Variants in PDE10A observed in about 807,000 individuals in gnomAD.
The protein encoded by PDE10A is phosphodiesterase 10A.
A neutral mutation model predicts 97.7 loss-of-function variants in PDE10A; 39 were observed. The observed-to-expected ratio is 0.40, with a 90% CI of 0.31 to 0.52. PDE10A has a LOEUF of 0.52. PDE10A is among the 20% of genes least tolerant of loss of function. PDE10A has a pLI of 0.56. For synonymous variants in PDE10A, 371 were observed against 376.8 expected, an observed-to-expected ratio of 0.98 and a Z score of 0.18; for missense variants, 731 against 1,047.8, an observed-to-expected ratio of 0.70 and a Z score of 4.17.
chr6:165,894,121 G>T (rs1781876506), intron 1 of PDE10A: 9 of 357,342 alleles, frequency 2.5e-5, no homozygotes, highest in South Asian at 1.7e-4. Context: ...AGTGCTCTAA[G>T]AATAAAATAT....
intron 1 of PDE10A, among the ~76,000 whole-genome samples, chr6:165,892,115 A>C (rs1303069000): frequency 6.6e-6 from 1 of 152,156 alleles, no homozygotes; most frequent in Non-Finnish European, 1.5e-5. Flanking sequence ...TCTGAACCGA[A>C]GCTGCTGGAC....
chr6:165,574,918 A>G (rs1021990803), intron 1 of PDE10A, among the ~76,000 whole-genome samples: 2 of 152,206 alleles, frequency 1.3e-5, no homozygotes, highest in African/African-American at 4.8e-5. Context: ...AGGTCATGCC[A>G]TTATAAACCA....
intron 1 of PDE10A, among the ~76,000 whole-genome samples, chr6:165,854,938 G>A (rs1348639709): frequency 6.6e-6 from 1 of 152,208 alleles, no homozygotes; most frequent in African/African-American, 2.4e-5. Flanking sequence ...AGGCGGCTGC[G>A]CCCCTGCCTG....
chr6:165,485,587 C>T (rs1562511330), intron 2 of PDE10A, among the ~76,000 whole-genome samples: 1 of 150,040 alleles, frequency 6.7e-6, no homozygotes, highest in Non-Finnish European at 1.5e-5. Flanking sequence ...TCTACACTGA[C>T]AGCATCCTTT....
At chr6:165,772,640 G>T (rs1299987457) in intron 1 of PDE10A, among the ~76,000 whole-genome samples, 1 of 152,164 alleles carries the variant, frequency 6.6e-6, no homozygotes, top group Non-Finnish European at 1.5e-5. Context: ...CCACGATGAT[G>T]ATTATTGTCA....
intron 19 of PDE10A, among the ~76,000 whole-genome samples, chr6:165,339,751 C>T (rs189392019): frequency 2.0e-5 from 3 of 152,308 alleles, no homozygotes; most frequent in African/African-American, 7.2e-5. Flanking sequence ...TTTGGCTTTC[C>T]AGAGGAATAT....
chr6:165,523,148 T>C (rs1350678518), intron 2 of PDE10A, among the ~76,000 whole-genome samples: 1 of 152,118 alleles, frequency 6.6e-6, no homozygotes, highest in Non-Finnish European at 1.5e-5. Flanking sequence ...GAAAATTCTA[T>C]GCTTATGAAT....
At chr6:165,743,768 C>T (rs1016730568) in intron 1 of PDE10A, among the ~76,000 whole-genome samples, 13 of 152,274 alleles carry the variant, frequency 8.5e-5, no homozygotes, top group Middle Eastern at 6.8e-3. Flanking sequence ...GGAGTCAAAG[C>T]GACATGTTCC....
chr6:165,902,095 T>C lies in PDE10A; in HGVS notation c.-615+85434A>G, dbSNP rs541736806. Reference sequence around the variant, plus strand: ...TTCCAAATTGAATAAAAACAAATTTTGTATATGTATATGCAATCTATACCT... The same window carrying C: ...TTCCAAATTGAATAAAAACAAATTTCGTATATGTATATGCAATCTATACCT... On this transcript the variant is annotated intron_variant, in intron 1 of 19. Transcript: ENST00000366882. 2.8e-4 allele frequency among the ~76,000 whole-genome samples: 31 copies of C among 109,372 alleles called. 1 individual carries two copies. The South Asian group carries it at 6.8e-3, about 24-fold the overall frequency. The allele number at this position is 109,372 out of a possible 152,430, so 71.8% of individuals were successfully genotyped here.
Position 165,332,935 on chromosome 6 carries a change from T to TGGG in PDE10A, c.*89_*90insCCC. The TGGG allele has an allele frequency of 3.4e-6, 2 of 593,426 alleles. No individual in the cohort carries two copies. The highest frequency in any genetic ancestry group is 4.1e-5 in the East Asian group (1 of 24,628). The allele number at this position is 593,426 out of a possible 1,614,324, so 36.8% of individuals were successfully genotyped here. Reference sequence around the variant, plus strand: ...TGCACCCCAGTTACCAGGTGCAGGTTCCCCCCACCCCCCCCAAAAAAAGGA... The same window carrying TGGG: ...TGCACCCCAGTTACCAGGTGCAGGTTGGGCCCCCCACCCCCCCCAAAAAAAGGA... On this transcript the variant is annotated 3_prime_UTR_variant, in exon 22 of 22. Coordinates refer to ENST00000539869, the MANE Select transcript of PDE10A (RefSeq NM_001385079.1).
At chr6:165,413,026 G>T (rs1183865217) in intron 13 of PDE10A, among the ~76,000 whole-genome samples, 2 of 152,030 alleles carry the variant, frequency 1.3e-5, no homozygotes, top group East Asian at 3.9e-4. Flanking sequence ...CACGAGGACT[G>T]AGTTAACACC....
chr6:165,932,555 C>T (rs1438226928), intron 1 of PDE10A, among the ~76,000 whole-genome samples: 1 of 152,156 alleles, frequency 6.6e-6, no homozygotes, highest in African/African-American at 2.4e-5. Context: ...AGGCTGGTCT[C>T]GAACTCCTGA....
At chr6:165,674,918 T>G (rs1234243576) in intron 1 of PDE10A, among the ~76,000 whole-genome samples, 1 of 152,168 alleles carries the variant, frequency 6.6e-6, no homozygotes, top group East Asian at 1.9e-4. Flanking sequence ...TCGTTCACTC[T>G]TAGACTCCAC....
chr6:165,610,995 C>T (rs7758609), intron 1 of PDE10A, among the ~76,000 whole-genome samples: 2,019 of 151,926 alleles, frequency 0.013, 46 homozygotes, highest in African/African-American at 0.046. Context: ...TGCGAGTCTA[C>T]GTCAGCTTTA....
rs875591 is a variant in PDE10A, at chr6:165,655,837, G to C, written c.865+6110C>G. ...TTTGCCACTTCACTTGCCACTGCCT[G>C]GTGGGCTCAGCTCCAGCACGGCCGT... On this transcript the variant is annotated intron_variant, in intron 1 of 21. Coordinates refer to ENST00000539869, the MANE Select transcript of PDE10A (RefSeq NM_001385079.1). This position sits in a 1 kb window ranked among gnomAD's most constrained non-coding sequence, Gnocchi z 4.5. Among the ~76,000 whole-genome samples the C allele has an allele frequency of 0.38, 57,557 of 151,890 alleles. 11,133 individuals carry two copies. Among genetic ancestry groups the C allele is most frequent in the Admixed American group, 0.48 (7,326 of 15,268 alleles).
chr6:165,468,323 C>T (rs1778785338), intron 3 of PDE10A, among the ~76,000 whole-genome samples: 1 of 151,358 alleles, frequency 6.6e-6, no homozygotes, highest in East Asian at 2.0e-4. Flanking sequence ...CTCCTGACCT[C>T]GTGATCCGCC....
chr6:165,611,651 C>T (rs1216044729), intron 1 of PDE10A, among the ~76,000 whole-genome samples: 1 of 152,252 alleles, frequency 6.6e-6, no homozygotes, highest in Non-Finnish European at 1.5e-5. Context: ...AGTATCACTG[C>T]TGTAGCCATT....
At chr6:165,491,577 T>C (rs1780229139) in intron 2 of PDE10A, among the ~76,000 whole-genome samples, 2 of 152,060 alleles carry the variant, frequency 1.3e-5, no homozygotes, top group Non-Finnish European at 2.9e-5. Flanking sequence ...AAATTGGAAA[T>C]CAACTCCAAA....
chr6:165,927,495 A>G (rs1001912944), intron 1 of PDE10A, among the ~76,000 whole-genome samples: 2 of 151,964 alleles, frequency 1.3e-5, no homozygotes, highest in Non-Finnish European at 2.9e-5. Context: ...ATATAAATGT[A>G]TAAATGACTA....
Sources: allele counts gnomAD v4.1 joint callset (sites outside exome capture counted in the v4.1 genomes callset), GRCh38; gene constraint gnomAD v4.1.1; non-coding constraint Gnocchi (gnomAD v3.1); transcripts MANE v1.5; gene names NCBI Gene and HGNC (gene_info 2026-07-23, HGNC 2026-07-21).